CALM2: variants seen among roughly 807,000 people sequenced by gnomAD.
CALM2 encodes calmodulin-2.
CALM2 carries 2 observed loss-of-function variants against 19.8 expected under a neutral mutation model. That is an observed-to-expected ratio of 0.10 (90% CI 0.04 to 0.32). CALM2 has a LOEUF of 0.32. Ranked by LOEUF, CALM2 falls within the 10% of genes least tolerant of loss-of-function variation. The probability of loss-of-function intolerance (pLI) is 1.00; values close to 1 mark genes in which losing one functional copy is unlikely to be tolerated. For missense variants in CALM2, 38 were observed against 178.7 expected (o/e 0.21, Z 4.49); for synonymous variants, 51 against 52.1 (o/e 0.98, Z 0.09).
At chr2:47,174,896 T>C (rs1423251045) in intron 1 of CALM2, among the ~76,000 whole-genome samples, 2 of 152,058 alleles carry the variant, frequency 1.3e-5, no homozygotes, top group African/African-American at 2.4e-5. Flanking sequence ...CAAACGTCAA[T>C]GAACGCTAGT....
Position 47,161,728 on chromosome 2 carries a change from T to C in CALM2, c.416A>G (p.Tyr139Cys). The C allele has an allele frequency of 6.2e-7, 1 of 1,610,542 alleles. No individual in the cohort carries two copies. Among genetic ancestry groups the C allele is most frequent in the Non-Finnish European group, 8.5e-7 (1 of 1,179,048 alleles). Residue 139 changes from tyrosine (Y) to cysteine (C), a missense_variant, in exon 5 of 6, where the codon TAT becomes TGT. Transcript: ENST00000272298. ...ADIDGDGQVNYEEFVQMMTAK is the reference protein window; with the variant it reads ...ADIDGDGQVNCEEFVQMMTAK ...CGTGAGACTGAAACATTTACCTTCA[T>C]AGTTTACTTGACCATCACCATCAAT... is the stretch of plus-strand genomic sequence containing the variant.
chr2:47,164,874 T>A (rs986765879), intron 2 of CALM2, among the ~76,000 whole-genome samples: 1 of 152,194 alleles, frequency 6.6e-6, no homozygotes, highest in Non-Finnish European at 1.5e-5. Context: ...TGCTTATCCC[T>A]AACTCCAATT....
intron 1 of CALM2, 181 bp downstream of exon 1, chr2:47,176,260 T>C (rs1666863943): frequency 1.5e-6 from 1 of 668,780 alleles, no homozygotes; most frequent in East Asian, 2.8e-5. Context: ...CTGAAGAGAA[T>C]GGGGGTGGGG....
At chr2:47,174,640 C>T (rs190600388) in intron 1 of CALM2, among the ~76,000 whole-genome samples, 1 of 151,898 alleles carries the variant, frequency 6.6e-6, no homozygotes, top group Admixed American at 6.6e-5. Flanking sequence ...AAGCTTAACA[C>T]TGGGCAAGGG....
chr2:47,170,636 C>T lies in CALM2; in HGVS notation c.34+98G>A, dbSNP rs918058314. On this transcript the variant is annotated intron_variant, in intron 2 of 5. Transcript: ENST00000272298. ...CATATGTTAGTATCCATGACATATA[C>T]CAAAGTCAATTATTTCATACAAGTC... 2.9e-4 allele frequency: 278 copies of T among 960,028 alleles called. 1 individual carries two copies. The highest frequency in any genetic ancestry group is 2.4e-3 in the South Asian group (189 of 77,606). The allele number at this position is 960,028 out of a possible 1,614,324, so 59.5% of individuals were successfully genotyped here. A position where few individuals can be genotyped will look rare whatever the true frequency, so the allele number is the denominator to read the frequency against.
intron 1 of CALM2, 198 bp from the exon 2 acceptor site, chr2:47,170,962 T>C (rs1330698218): frequency 7.1e-6 from 4 of 560,242 alleles, no homozygotes; most frequent in African/African-American, 3.8e-5. Flanking sequence ...AAGTTTAAGA[T>C]ATACAAATAC....
chr2:47,165,974 A>G lies in CALM2; in HGVS notation c.35-3312T>C, dbSNP rs1243709130. 3.3e-5 allele frequency among the ~76,000 whole-genome samples: 5 copies of G among 152,216 alleles called. 1 individual carries two copies. Among genetic ancestry groups the G allele is most frequent in the Admixed American group, 3.3e-4 (5 of 15,282 alleles). On this transcript the variant is annotated intron_variant, in intron 2 of 5. Coordinates refer to ENST00000272298, the MANE Select transcript of CALM2 (RefSeq NM_001743.6). ...GGCTCCATCGTCCTTTGCCAGGGCT[A>G]TTACAATTGCCTCCTAACTGCATTC...
At chr2:47,161,930 T>TTA (rs1288198439) in intron 4 of CALM2, 72 bp from the exon 5 acceptor site, 1 of 1,254,890 alleles carries the variant, frequency 8.0e-7, no homozygotes, top group East Asian at 2.4e-5. Context: ...TTTATTAAGT[T>TTA]TACTACTAAA....
chr2:47,161,701 G>C (rs367611069), intron 5 of CALM2, 22 bp downstream of exon 5: 2 of 1,598,550 alleles, frequency 1.3e-6, no homozygotes, highest in Admixed American at 1.7e-5. Flanking sequence ...TGAAGAATGA[G>C]GCGTGAGACT....
chr2:47,166,134 G>A (rs1341526131), intron 2 of CALM2, among the ~76,000 whole-genome samples: 2 of 152,148 alleles, frequency 1.3e-5, no homozygotes, highest in African/African-American at 4.8e-5. Context: ...AAATAGATCA[G>A]GGAGTCTCCA....
Position 47,162,548 on chromosome 2 carries a change from T to C in CALM2, c.149A>G (p.Gln50Arg), listed in dbSNP as rs11551450. The change falls in exon 3 of 6, where the codon CAG becomes CGG. Residue 50 changes from glutamine to arginine, a missense_variant. Physicochemically the swap from Gln to Arg is conservative, Grantham distance 43. Coordinates refer to ENST00000272298, the MANE Select transcript of CALM2 (RefSeq NM_001743.6). Reference sequence around the variant, plus strand: ...AGCATCTACTTCATTAATCATGTCCTGTAACTCTGCTTCTGTGGGATTCTG... The same window carrying C: ...AGCATCTACTTCATTAATCATGTCCCGTAACTCTGCTTCTGTGGGATTCTG... ...LGQNPTEAEL[Q>R]DMINEVDADG... is the part of the protein sequence containing the mutation. 6.2e-7 allele frequency: 1 copy of C among 1,614,152 alleles called. No homozygotes were observed. The highest frequency in any genetic ancestry group is 8.5e-7 in the Non-Finnish European group (1 of 1,179,986).
At chr2:47,167,157 G>A (rs934933071) in intron 2 of CALM2, among the ~76,000 whole-genome samples, 22 of 151,954 alleles carry the variant, frequency 1.4e-4, no homozygotes, top group Middle Eastern at 3.2e-3. Flanking sequence ...CTCTTTTGGC[G>A]CTTCATGCAG....
intron 5 of CALM2, 92 bp downstream of exon 5, chr2:47,161,631 G>GGT: frequency 2.5e-6 from 3 of 1,200,758 alleles, no homozygotes; most frequent in East Asian, 2.5e-5. Flanking sequence ...AATTTCAGGG[G>GGT]AAGGGTCACT....
At chr2:47,169,622 TAAATAA>T (rs1409725155) in intron 2 of CALM2, among the ~76,000 whole-genome samples, 2 of 152,104 alleles carry the variant, frequency 1.3e-5, no homozygotes, top group African/African-American at 2.4e-5. Context: ...AATTACACAA[TAAATAA>T]AAATAAAACC....
chr2:47,174,644 G>C (rs941493459), intron 1 of CALM2, among the ~76,000 whole-genome samples: 2 of 151,748 alleles, frequency 1.3e-5, no homozygotes, highest in African/African-American at 4.8e-5. Context: ...TTAACACTGG[G>C]CAAGGGACCA....
At position 47,170,586 on chromosome 2, in the gene CALM2, T is replaced by C. The variant is rs555604615; in HGVS notation, c.34+148A>G. The C allele has an allele frequency of 2.1e-4, 141 of 677,816 alleles. 2 individuals are homozygous for C. The South Asian group carries it at 2.4e-3, about 12-fold the overall frequency. The allele number at this position is 677,816 out of a possible 1,614,324, so 42.0% of individuals were successfully genotyped here. ...TTACAATCCCACTTGCCAAAGCAGGTTGAATTACTGTATTATATTATACCC... is the reference window on the plus strand; with the variant it reads ...TTACAATCCCACTTGCCAAAGCAGGCTGAATTACTGTATTATATTATACCC... On this transcript the variant is annotated intron_variant, in intron 2 of 5. Coordinates refer to ENST00000272298, the MANE Select transcript of CALM2 (RefSeq NM_001743.6).
chr2:47,176,387 C>T (rs368826863), intron 1 of CALM2, 54 bp downstream of exon 1: 1 of 1,605,918 alleles, frequency 6.2e-7, no homozygotes, highest in African/African-American at 1.3e-5. Context: ...AGTCAGTTCG[C>T]TCCAGTCTCT....
chr2:47,171,843 C>A (rs925823217), intron 1 of CALM2: 1 of 151,952 alleles, frequency 6.6e-6, no homozygotes, highest in Non-Finnish European at 1.5e-5. Flanking sequence ...TAAATGAACA[C>A]ACCCCTGGAA....
chr2:47,164,286 A>AAC (rs202205834), intron 2 of CALM2, among the ~76,000 whole-genome samples: 24,459 of 139,854 alleles, frequency 0.17, 2,656 homozygotes, highest in Non-Finnish European at 0.21. Flanking sequence ...TCTCTACTAA[A>AAC]ACACACACAC....
Sources: allele counts gnomAD v4.1 joint callset (sites outside exome capture counted in the v4.1 genomes callset), GRCh38; gene constraint gnomAD v4.1.1; transcripts MANE v1.5; gene names NCBI Gene and HGNC (gene_info 2026-07-23, HGNC 2026-07-21).